The following DSG4 variants were observed in gnomAD, a reference collection of about 807,000 sequenced individuals.
DSG4 encodes the protein desmoglein 4.
Under a neutral mutation model 93.1 loss-of-function variants are expected in DSG4, and 87 were observed. The observed-to-expected ratio is 0.93, with a 90% CI of 0.79 to 1.12. DSG4 has a LOEUF of 1.12. Among genes scored for constraint, DSG4 ranks in the 50% most tolerant of loss-of-function variants. The pLI is 0.00. For missense variants in DSG4, 1,373 were observed against 1,285.7 expected (o/e 1.07, Z -1.04); for synonymous variants, 432 against 452.9 (o/e 0.95, Z 0.59).
intron 8 of DSG4, among the ~76,000 whole-genome samples, chr18:31,396,129 G>A (rs1360706214): frequency 2.0e-5 from 3 of 151,076 alleles, no homozygotes; most frequent in Non-Finnish European, 4.4e-5. Flanking sequence ...AAGTGTGTGT[G>A]TATATATATA....
chr18:31,393,547 C>T (rs2072273064), intron 8 of DSG4, among the ~76,000 whole-genome samples: 3 of 152,034 alleles, frequency 2.0e-5, no homozygotes, highest in East Asian at 1.9e-4. Context: ...AACCAGATCT[C>T]GCAAAAACTC....
chr18:31,413,613 T>C lies in DSG4; in HGVS notation c.*18T>C. The C allele has an allele frequency of 6.2e-7, 1 of 1,610,972 alleles. No individual in the cohort carries two copies. Among genetic ancestry groups the C allele is most frequent in the Non-Finnish European group, 8.5e-7 (1 of 1,179,898 alleles). On this transcript the variant is annotated 3_prime_UTR_variant, in exon 16 of 16. Transcript: ENST00000308128. Reference sequence around the variant, plus strand: ...AACAGTAAGTGCTTTATGGTCAGTATTCTATGTGGAGACCTTGCACCTTGT... The same window carrying C: ...AACAGTAAGTGCTTTATGGTCAGTACTCTATGTGGAGACCTTGCACCTTGT...
Position 31,399,206 on chromosome 18 carries a change from G to T in DSG4, c.1006-66G>T, listed in dbSNP as rs2072336977. The T allele has an allele frequency of 2.5e-6, 4 of 1,601,234 alleles. No homozygotes were observed. In the South Asian group the frequency reaches 4.5e-5, roughly 18 times the overall value. On this transcript the variant is annotated intron_variant, in intron 8 of 15. Coordinates refer to ENST00000308128, the MANE Select transcript of DSG4 (RefSeq NM_177986.5). ...TCTAGTGTGTGGTTTGCTTTACCAT[G>T]GCTTCTTACTTTATCGAAAGAGAGT...
chr18:31,387,919 C>T (rs746751349), intron 3 of DSG4, among the ~76,000 whole-genome samples: 9 of 152,046 alleles, frequency 5.9e-5, no homozygotes, highest in Non-Finnish European at 1.2e-4. Flanking sequence ...ATATCTCTAA[C>T]CATTATAGTT....
chr18:31,395,632 AC>A (rs1338762986), intron 8 of DSG4, among the ~76,000 whole-genome samples: 2 of 152,152 alleles, frequency 1.3e-5, no homozygotes, highest in Non-Finnish European at 2.9e-5. Flanking sequence ...CATTCGGGAT[AC>A]CCCTTAACCC....
At chr18:31,398,921 G>A (rs1207923591) in intron 8 of DSG4, among the ~76,000 whole-genome samples, 1 of 152,106 alleles carries the variant, frequency 6.6e-6, no homozygotes. Context: ...ATTCAATAGT[G>A]TGAACAGTTT....
At chr18:31,406,802 G>T (rs1405950491) in intron 12 of DSG4, among the ~76,000 whole-genome samples, 1 of 151,424 alleles carries the variant, frequency 6.6e-6, no homozygotes, top group African/African-American at 2.4e-5. Context: ...TTTTGAGATG[G>T]AATCTTGCTC....
In DSG4 at chr18:31,414,447, A is replaced by G. The variant is rs1021239285; in HGVS notation, c.*852A>G. On this transcript the variant is annotated 3_prime_UTR_variant, in exon 16 of 16. Transcript: ENST00000308128. ...ATTGACCTGAATCGTAGAGCTTTCA[A>G]TTGGCAACCAGATATTCTCCAAAAG... 4.6e-5 allele frequency: 7 copies of G among 152,200 alleles called. No individual in the cohort carries two copies. Among genetic ancestry groups the G allele is most frequent in the African/African-American group, 1.7e-4 (7 of 41,454 alleles). 9.4% of individuals were successfully genotyped at this position (152,200 alleles called of 1,614,324 possible). A position where few individuals can be genotyped will look rare whatever the true frequency, so the allele number is the denominator to read the frequency against.
Position 31,411,411 on chromosome 18 carries a change from A to G in DSG4, c.2318A>G (p.Asp773Gly). ...ACCCTGCGGGACTACGCTGACGCAG[A>G]CATCAACATGGCTTTCTTGGACAGC... is the stretch of plus-strand genomic sequence containing the variant. Reference protein sequence around the residue: ...MGTLRDYADADINMAFLDSYF... With the variant: ...MGTLRDYADAGINMAFLDSYF... Residue 773 changes from aspartate (D) to glycine (G), a missense_variant, in exon 15 of 16, where the codon GAC becomes GGC. Transcript: ENST00000308128. The G allele has an allele frequency of 1.2e-6, 2 of 1,611,342 alleles. No individual in the cohort carries two copies. Among genetic ancestry groups the G allele is most frequent in the Non-Finnish European group, 1.7e-6 (2 of 1,179,912 alleles).
chr18:31,405,569 T>TAA (rs1285723672), intron 11 of DSG4, among the ~76,000 whole-genome samples: 5 of 143,548 alleles, frequency 3.5e-5, no homozygotes, highest in African/African-American at 1.3e-4. Flanking sequence ...TTATAAATGT[T>TAA]AAAAAAAAAA....
At chr18:31,380,254 C>A (rs1382635414) in intron 1 of DSG4, among the ~76,000 whole-genome samples, 1 of 152,084 alleles carries the variant, frequency 6.6e-6, no homozygotes, top group Non-Finnish European at 1.5e-5. Flanking sequence ...ATTCTATGAC[C>A]CTTTTCCTTT....
intron 14 of DSG4, 162 bp from the exon 15 acceptor site, chr18:31,411,069 C>G (rs770207455): frequency 1.2e-5 from 18 of 1,536,196 alleles, no homozygotes; most frequent in Non-Finnish European, 1.6e-5. Context: ...GGTCAACAAG[C>G]CTGGAGATGT....
rs1335183020 is a variant in DSG4, at chr18:31,388,854, T to C, written c.373-20T>C. On this transcript the variant is annotated intron_variant, in intron 4 of 15. Coordinates refer to ENST00000308128, the MANE Select transcript of DSG4 (RefSeq NM_177986.5). ...AATTCCTTTGGTGGAAAAAGATGGC[T>C]TTTTTCCAATTTTCCACAGATCTAT... The C allele has an allele frequency of 6.2e-7, 1 of 1,613,196 alleles. No individual in the cohort carries two copies. The highest frequency in any genetic ancestry group is 8.5e-7 in the Non-Finnish European group (1 of 1,179,456).
At chr18:31,391,405 A>G (rs1328820125) in intron 7 of DSG4, among the ~76,000 whole-genome samples, 193 bp downstream of exon 7, 1 of 152,170 alleles carries the variant, frequency 6.6e-6, no homozygotes, top group Non-Finnish European at 1.5e-5. Context: ...TCTTTGACTC[A>G]CTACTCCAAA....
intron 10 of DSG4, 77 bp from the exon 11 acceptor site, chr18:31,403,339 G>C (rs2072389200): frequency 8.3e-7 from 1 of 1,206,262 alleles, no homozygotes. Flanking sequence ...AAGTTCCATG[G>C]CATCATCAGG....
At position 31,392,277 on chromosome 18, in the gene DSG4, T is replaced by C; in HGVS notation, c.942T>C (p.Asp314=). 6.2e-7 allele frequency: 1 copy of C among 1,613,766 alleles called. No homozygotes were observed. The change falls in exon 8 of 16, where the codon GAT becomes GAC. Residue 314 remains aspartate (D), a synonymous_variant. Coordinates refer to ENST00000308128, the MANE Select transcript of DSG4 (RefSeq NM_177986.5). ...LAQYLILSGN[D]GNWFDIQTDP... is the part of the protein sequence containing the mutation. ...AATATTTAATTCTCTCTGGAAATGATGGGAATTGGTTCGATATTCAAACAG... is the reference window on the plus strand; with the variant it reads ...AATATTTAATTCTCTCTGGAAATGACGGGAATTGGTTCGATATTCAAACAG...
At chr18:31,394,563 G>A (rs1304686423) in intron 8 of DSG4, among the ~76,000 whole-genome samples, 1 of 151,870 alleles carries the variant, frequency 6.6e-6, no homozygotes, top group Non-Finnish European at 1.5e-5. Context: ...GGCAACAAAA[G>A]TGAAACTTAA....
intron 1 of DSG4, chr18:31,382,383 GTTCTA>G (rs2144161090): frequency 6.6e-6 from 1 of 152,296 alleles, no homozygotes; most frequent in East Asian, 1.9e-4. Flanking sequence ...CAAGCTCCTT[GTTCTA>G]TTCTTTCCCC....
chr18:31,406,091 C>T lies in DSG4; in HGVS notation c.1651C>T (p.Leu551Phe), dbSNP rs145931072. The change falls in exon 12 of 16, where the codon CTT becomes TTT. Residue 551 changes from leucine to phenylalanine, a missense_variant. By Grantham distance (22) the Leu-to-Phe change is conservative (BLOSUM62 0). Coordinates refer to ENST00000308128, the MANE Select transcript of DSG4 (RefSeq NM_177986.5). The part of the protein sequence containing the change: ...VRSTNATSAI[L>F]TAKQVLSPGF... ...TTCCATTTCAGCTACCTCGGCAATCCTTACGGCTAAGCAGGTTTTATCTCC... is the reference window on the plus strand; with the variant it reads ...TTCCATTTCAGCTACCTCGGCAATCTTTACGGCTAAGCAGGTTTTATCTCC... The T allele has an allele frequency of 7.4e-6, 12 of 1,613,936 alleles. No individual in the cohort carries two copies. In the African/African-American group the frequency reaches 1.5e-4, roughly 20 times the overall value.
Sources: allele counts gnomAD v4.1 joint callset (sites outside exome capture counted in the v4.1 genomes callset), GRCh38; gene constraint gnomAD v4.1.1; transcripts MANE v1.5; gene names NCBI Gene and HGNC (gene_info 2026-07-23, HGNC 2026-07-21).